OPRM1: variants seen among roughly 807,000 people sequenced by gnomAD.
OPRM1 encodes opioid receptor mu 1.
In OPRM1, 27 loss-of-function variants were observed where a neutral mutation model predicts 31.8. That is an observed-to-expected ratio of 0.85 (90% CI 0.63 to 1.17). OPRM1 has a LOEUF of 1.17. Among genes scored for constraint, OPRM1 ranks in the 50% most tolerant of loss-of-function variants. The pLI, the probability that OPRM1 is intolerant of heterozygous loss-of-function variation, is 0.00. For missense variants in OPRM1, 536 were observed against 511.1 expected (o/e 1.05, Z -0.47); for synonymous variants, 196 against 189.9 (o/e 1.03, Z -0.26).
intron 3 of OPRM1, among the ~76,000 whole-genome samples, chr6:154,182,254 C>T (rs964282545): frequency 2.0e-5 from 3 of 152,104 alleles, no homozygotes; most frequent in South Asian, 2.1e-4. Context: ...GAGTCATGTA[C>T]GTATCTTCTT....
chr6:154,171,197 C>G (rs781223924), intron 3 of OPRM1, among the ~76,000 whole-genome samples: 4 of 152,134 alleles, frequency 2.6e-5, no homozygotes, highest in Non-Finnish European at 5.9e-5. Context: ...ATAACAGACT[C>G]AACTTGGGAA....
At chr6:154,234,098 T>TGCAGGAAGCTGAG in intron 3 of OPRM1, among the ~76,000 whole-genome samples, 1 of 152,254 alleles carries the variant, frequency 6.6e-6, no homozygotes, top group Non-Finnish European at 1.5e-5. Flanking sequence ...GCCTCAATTA[T>TGCAGGAAGCTGAG]GCAGGAAGCT....
chr6:154,174,352 G>T (rs1423105539), intron 3 of OPRM1, among the ~76,000 whole-genome samples: 2 of 152,122 alleles, frequency 1.3e-5, no homozygotes, highest in Non-Finnish European at 2.9e-5. Flanking sequence ...TGGGCTAAAT[G>T]TCCCAATTAA....
intron 3 of OPRM1, among the ~76,000 whole-genome samples, chr6:154,221,637 G>T (rs1355122145): frequency 6.6e-6 from 1 of 152,094 alleles, no homozygotes; most frequent in Non-Finnish European, 1.5e-5. Flanking sequence ...ACTTTGGGAG[G>T]CCGAGGCGGG....
At chr6:154,106,804 T>C (rs1332794843) in intron 3 of OPRM1, among the ~76,000 whole-genome samples, 1 of 152,202 alleles carries the variant, frequency 6.6e-6, no homozygotes, top group East Asian at 1.9e-4. Flanking sequence ...TTAGGGTAGG[T>C]AGATTGAACA....
At chr6:154,097,357 C>A (rs889875228) in intron 3 of OPRM1, among the ~76,000 whole-genome samples, 3 of 152,098 alleles carry the variant, frequency 2.0e-5, no homozygotes, top group African/African-American at 7.2e-5. Context: ...AAAGCAGAAG[C>A]CTACTTTTAA....
At chr6:154,023,019 C>T (rs1199168652) in intron 1 of OPRM1, among the ~76,000 whole-genome samples, 2 of 152,072 alleles carry the variant, frequency 1.3e-5, no homozygotes, top group East Asian at 3.9e-4. Flanking sequence ...GCTCGGAGAG[C>T]TTTGGCTATT....
chr6:154,045,610 C>T (rs767832132), intron 1 of OPRM1, among the ~76,000 whole-genome samples: 7 of 152,198 alleles, frequency 4.6e-5, no homozygotes, highest in Admixed American at 6.5e-5. Context: ...ATATCCTTCT[C>T]GTGCCCACCT....
chr6:154,148,123 A>AT (rs1314003532), intron 3 of OPRM1, among the ~76,000 whole-genome samples: 4 of 152,184 alleles, frequency 2.6e-5, no homozygotes, highest in Non-Finnish European at 5.9e-5. Flanking sequence ...TGATCCCATG[A>AT]TTATGTGCCC....
rs1246528413 is a variant in OPRM1, at chr6:154,039,281, C to A, written c.-264C>A. On this transcript the variant is annotated 5_prime_UTR_variant, in exon 1 of 4. Transcript: ENST00000330432. ...CTCCGAATCCCGCATGGCCCACGCTCCCCTCCTGCAGCGGTGCGGGGCAGG... is the reference window on the plus strand; with the variant it reads ...CTCCGAATCCCGCATGGCCCACGCTACCCTCCTGCAGCGGTGCGGGGCAGG... 4 of 1,551,540 alleles carry A rather than the reference C, an allele frequency of 2.6e-6. No homozygotes were observed. Among genetic ancestry groups the A allele is most frequent in the Non-Finnish European group, 2.6e-6 (3 of 1,146,918 alleles).
chr6:154,245,346 A>T (rs966852892), intron 3 of OPRM1, among the ~76,000 whole-genome samples: 2 of 151,986 alleles, frequency 1.3e-5, no homozygotes, highest in Admixed American at 6.6e-5. Context: ...ATTTTTCATG[A>T]GGTGAAGCTG....
chr6:154,203,789 G>A (rs1263857270), intron 3 of OPRM1, among the ~76,000 whole-genome samples: 1 of 152,132 alleles, frequency 6.6e-6, no homozygotes, highest in Non-Finnish European at 1.5e-5. Context: ...CATAATTGGT[G>A]ACAAATTAAT....
intron 1 of OPRM1, among the ~76,000 whole-genome samples, chr6:154,031,083 A>T (rs1194175449): frequency 1.3e-5 from 2 of 152,306 alleles, no homozygotes; most frequent in Non-Finnish European, 2.9e-5. Flanking sequence ...TAAAGCAATT[A>T]AAAAAATAAA....
chr6:154,193,927 T>A (rs1001736049), intron 3 of OPRM1, among the ~76,000 whole-genome samples: 1 of 151,294 alleles, frequency 6.6e-6, no homozygotes, highest in Non-Finnish European at 1.5e-5. Context: ...TAGCATAGTA[T>A]TAAAAGGGAT....
chr6:154,194,951 T>G (rs1423995094), intron 3 of OPRM1, among the ~76,000 whole-genome samples: 1 of 151,974 alleles, frequency 6.6e-6, no homozygotes, highest in Non-Finnish European at 1.5e-5. Flanking sequence ...AGGAACAAAA[T>G]TAAGTGCTGA....
rs946200194 is a variant in OPRM1 at position 154,130,690 on chromosome 6, G to A, written c.*11969G>A. Among the ~76,000 whole-genome samples, 22 of 151,468 alleles carry A rather than the reference G, an allele frequency of 1.5e-4. No homozygotes were observed. Among genetic ancestry groups the A allele is most frequent in the Non-Finnish European group, 2.9e-4 (20 of 67,892 alleles). On this transcript the variant is annotated 3_prime_UTR_variant, in exon 4 of 4. Coordinates refer to ENST00000330432, the MANE Select transcript of OPRM1 (RefSeq NM_000914.5). ...TATAAAAGCATTAGTACCATTATAT[G>A]AAAGTATATATGCCATTCCATAAAA...
chr6:154,154,861 AC>A (rs1166101691), intron 3 of OPRM1: 6 of 152,620 alleles, frequency 3.9e-5, no homozygotes, highest in African/African-American at 1.4e-4. Flanking sequence ...TAAGATTTCC[AC>A]ATTAATATCT....
intron 3 of OPRM1, among the ~76,000 whole-genome samples, chr6:154,177,418 C>A (rs557692150): frequency 6.6e-6 from 1 of 152,248 alleles, no homozygotes; most frequent in African/African-American, 2.4e-5. Flanking sequence ...CCAGAATCTA[C>A]ACAGAACATA....
chr6:154,214,168 C>G (rs1778194875), intron 3 of OPRM1: 1 of 1,175,938 alleles, frequency 8.5e-7, no homozygotes, highest in Non-Finnish European at 1.3e-6. Flanking sequence ...CCTGTTTCAA[C>G]CTGTTCTAAT....
Sources: allele counts gnomAD v4.1 joint callset (sites outside exome capture counted in the v4.1 genomes callset), GRCh38; gene constraint gnomAD v4.1.1; transcripts MANE v1.5; gene names NCBI Gene and HGNC (gene_info 2026-07-23, HGNC 2026-07-21).